MAP2K3: variants seen among roughly 807,000 people sequenced by gnomAD.
MAP2K3 encodes the protein mitogen-activated protein kinase kinase 3, also known as dual specificity mitogen-activated protein kinase kinase 3.
A neutral mutation model predicts 46.4 loss-of-function variants in MAP2K3; 30 were observed. The observed-to-expected ratio is 0.65, with a 90% CI of 0.48 to 0.88. The LOEUF (loss-of-function observed/expected upper bound fraction) is 0.88, where lower values mean the gene tolerates loss of function less well. Among genes scored for constraint, MAP2K3 ranks in the 40% least tolerant of loss-of-function variants. The pLI, the probability that MAP2K3 is intolerant of heterozygous loss-of-function variation, is 0.00. For missense variants in MAP2K3, 380 were observed against 464.5 expected, an observed-to-expected ratio of 0.82 and a Z score of 1.67; for synonymous variants, 189 against 176.3, an observed-to-expected ratio of 1.07 and a Z score of -0.57.
intron 1 of MAP2K3, among the ~76,000 whole-genome samples, chr17:21,287,799 T>A (rs1022210192): frequency 6.6e-6 from 1 of 152,222 alleles, no homozygotes; most frequent in African/African-American, 2.4e-5. Flanking sequence ...GTGGGAGCAC[T>A]TCATGGCTAA....
chr17:21,296,479 T>A (rs1033005622), intron 1 of MAP2K3, among the ~76,000 whole-genome samples: 3 of 152,428 alleles, frequency 2.0e-5, no homozygotes, highest in Non-Finnish European at 4.4e-5. Flanking sequence ...GCACGAGACT[T>A]GGGCCCCTCC....
chr17:21,301,124 G>GCC (rs1976576401), intron 5 of MAP2K3, 131 bp downstream of exon 5: 1 of 1,490,034 alleles, frequency 6.7e-7, no homozygotes, highest in African/African-American at 1.4e-5. Flanking sequence ...AGGCTCCCCC[G>GCC]TCTCTTGGCT....
At chr17:21,296,705 A>T (rs1343684111) in intron 1 of MAP2K3, among the ~76,000 whole-genome samples, 4 of 152,312 alleles carry the variant, frequency 2.6e-5, no homozygotes, top group African/African-American at 9.6e-5. Flanking sequence ...ATCTGGAGTC[A>T]CAGATGAGAA....
chr17:21,296,058 A>C (rs1976226629), intron 1 of MAP2K3: 1 of 1,288,642 alleles, frequency 7.8e-7, no homozygotes, highest in African/African-American at 1.5e-5. Flanking sequence ...CTCATTACTT[A>C]GGGCAGTTTT....
chr17:21,297,615 T>C (rs1976331668), intron 1 of MAP2K3, among the ~76,000 whole-genome samples: 1 of 152,312 alleles, frequency 6.6e-6, no homozygotes, highest in African/African-American at 2.4e-5. Flanking sequence ...TCTCTCTGCA[T>C]GCCAGCCCCA....
intron 1 of MAP2K3, among the ~76,000 whole-genome samples, chr17:21,296,786 AG>A (rs1162999443): frequency 1.3e-5 from 2 of 152,308 alleles, no homozygotes; most frequent in Admixed American, 6.5e-5. Flanking sequence ...CCTGACAGCC[AG>A]GGTGTTGCTG....
At chr17:21,292,166 G>C (rs7224792) in intron 1 of MAP2K3, among the ~76,000 whole-genome samples, 1 of 152,310 alleles carries the variant, frequency 6.6e-6, no homozygotes, top group Admixed American at 6.5e-5. Flanking sequence ...AGCCTGCTGC[G>C]GGGGCTGTAC....
Position 21,300,918 on chromosome 17 carries a change from C to G in MAP2K3, c.324C>G (p.Leu108=). 1 of 1,614,232 alleles carries G rather than the reference C, an allele frequency of 6.2e-7. No individual in the cohort carries two copies. Among genetic ancestry groups the G allele is most frequent in the Non-Finnish European group, 8.5e-7 (1 of 1,180,046 alleles). Residue 108 remains leucine, a synonymous_variant, in exon 5 of 12, where the codon CTC becomes CTG. Transcript: ENST00000342679. ...TVNSQEQKRL[L]MDLDINMRTV... ...ACTCACAGGAGCAGAAGCGGCTGCT[C>G]ATGGACCTGGACATCAACATGCGCA...
chr17:21,300,292 G>A (rs1021849295), intron 3 of MAP2K3, among the ~76,000 whole-genome samples: 5 of 152,306 alleles, frequency 3.3e-5, no homozygotes, highest in African/African-American at 9.6e-5. Flanking sequence ...TGCTGGCGGG[G>A]CATTTTGTCT....
At chr17:21,296,734 G>T (rs1470325353) in intron 1 of MAP2K3, among the ~76,000 whole-genome samples, 2 of 152,306 alleles carry the variant, frequency 1.3e-5, no homozygotes, top group Non-Finnish European at 2.9e-5. Context: ...CCTGTGGCCG[G>T]TGCTGTGGCT....
At chr17:21,312,385 A>C (rs1383915581) in intron 10 of MAP2K3, 104 bp downstream of exon 10, 1 of 1,248,284 alleles carries the variant, frequency 8.0e-7, no homozygotes, top group Non-Finnish European at 1.1e-6. Context: ...ATAAACCCCC[A>C]GATGACTTGG....
intron 9 of MAP2K3, among the ~76,000 whole-genome samples, chr17:21,306,122 C>G (rs1489878267): frequency 1.3e-5 from 2 of 152,260 alleles, no homozygotes; most frequent in Non-Finnish European, 2.9e-5. Context: ...GGTTCTGATG[C>G]TACCTGGAGT....
Position 21,302,275 on chromosome 17 carries a change from G to C in MAP2K3, c.516+16G>C, listed in dbSNP as rs755191812. 8.1e-6 allele frequency: 13 copies of C among 1,609,814 alleles called. No individual in the cohort carries two copies. In the African/African-American group the frequency reaches 1.6e-4, roughly 20 times the overall value. On this transcript the variant is annotated intron_variant, in intron 6 of 11. Coordinates refer to ENST00000342679, the MANE Select transcript of MAP2K3 (RefSeq NM_145109.3). ...TGCTGTGTCTGTGAGTGGCCTGGGTGGGCTGGCGGGGGGTCCTAGGTGCAT... is the reference window on the plus strand; with the variant it reads ...TGCTGTGTCTGTGAGTGGCCTGGGTCGGCTGGCGGGGGGTCCTAGGTGCAT...
intron 2 of MAP2K3, 152 bp downstream of exon 2, chr17:21,298,631 C>G: frequency 1.5e-6 from 2 of 1,328,136 alleles, no homozygotes; most frequent in Non-Finnish European, 2.2e-6. Flanking sequence ...GTGACGGCTG[C>G]TGGGGGTTCA....
At chr17:21,307,756 C>T (rs1313518902) in intron 9 of MAP2K3, among the ~76,000 whole-genome samples, 1 of 147,422 alleles carries the variant, frequency 6.8e-6, no homozygotes, top group African/African-American at 2.5e-5. Context: ...CGGCTTACTG[C>T]AACCTCCGCC....
In MAP2K3 at chr17:21,300,588, T is replaced by A; in HGVS notation, c.209T>A (p.Leu70Gln). The change falls in exon 4 of 12, where the codon CTG becomes CAG. Residue 70 changes from leucine (L) to glutamine (Q), a missense_variant. Physicochemically the swap from Leu to Gln is moderately radical, Grantham distance 113. Coordinates refer to ENST00000342679, the MANE Select transcript of MAP2K3 (RefSeq NM_145109.3). ...EADDLVTISE[L>Q]GRGAYGVVEK... ...GATGACTTGGTGACCATCTCAGAAC[T>A]GGGCCGTGGAGCCTATGGGGTGGTA... 1 of 1,613,154 alleles carries A rather than the reference T, an allele frequency of 6.2e-7. No homozygotes were observed. The highest frequency in any genetic ancestry group is 2.2e-5 in the East Asian group (1 of 44,870).
At chr17:21,312,842 GA>G (rs1977229065) in intron 10 of MAP2K3, among the ~76,000 whole-genome samples, 1 of 151,794 alleles carries the variant, frequency 6.6e-6, no homozygotes. Context: ...TTGAACCCGG[GA>G]GCCGGAGGTT....
chr17:21,297,673 A>T (rs1976334918), intron 1 of MAP2K3, among the ~76,000 whole-genome samples: 1 of 152,224 alleles, frequency 6.6e-6, no homozygotes, highest in Non-Finnish European at 1.5e-5. Context: ...GTACCAGCTG[A>T]GTGCTGTGCA....
At chr17:21,295,578 C>G (rs1976193269) in intron 1 of MAP2K3, 1 of 1,268,758 alleles carries the variant, frequency 7.9e-7, no homozygotes. Context: ...TGTTTCTAGG[C>G]TGTCTCCATG....
Sources: gnomAD v4.1 joint callset for allele counts (sites outside exome capture counted in the v4.1 genomes callset) on GRCh38, gnomAD v4.1.1 for gene constraint, MANE v1.5 for transcripts, NCBI Gene and HGNC (gene_info 2026-07-23, HGNC 2026-07-21) for gene names.